KIAA1217: variants seen among roughly 807,000 people sequenced by gnomAD.
The protein encoded by KIAA1217 is sickle tail protein homolog.
KIAA1217 carries 88 observed loss-of-function variants against 163.9 expected under a neutral mutation model. That is an observed-to-expected ratio of 0.54 (90% CI 0.45 to 0.64). The LOEUF (loss-of-function observed/expected upper bound fraction) is 0.64, where lower values mean the gene tolerates loss of function less well. KIAA1217 is among the 30% of genes least tolerant of loss of function. KIAA1217 has a pLI of 0.00. For synonymous variants in KIAA1217, 903 were observed against 923.1 expected, an observed-to-expected ratio of 0.98 and a Z score of 0.39; for missense variants, 2,372 against 2,475.0, an observed-to-expected ratio of 0.96 and a Z score of 0.88.
chr10:24,030,263 C>A (rs1848137197), intron 2 of KIAA1217, among the ~76,000 whole-genome samples: 1 of 152,102 alleles, frequency 6.6e-6, no homozygotes. Flanking sequence ...AATCTCATCT[C>A]AAATTTTAAT....
At chr10:24,367,321 C>A (rs2050923751) in intron 2 of KIAA1217, 1 of 182,234 alleles carries the variant, frequency 5.5e-6, no homozygotes, top group East Asian at 1.9e-4. Context: ...TCGCTGTTTA[C>A]CCCAATCCCT....
intron 1 of KIAA1217, among the ~76,000 whole-genome samples, chr10:24,003,375 C>T (rs1846840722): frequency 6.6e-6 from 1 of 152,064 alleles, no homozygotes; most frequent in Non-Finnish European, 1.5e-5. Flanking sequence ...AAGGTGGTAT[C>T]TCATTGTGGT....
chr10:24,465,332 G>A (rs1326221298), intron 5 of KIAA1217, among the ~76,000 whole-genome samples: 4 of 152,132 alleles, frequency 2.6e-5, no homozygotes, highest in African/African-American at 4.8e-5. Flanking sequence ...TGCTCCATTT[G>A]CCCCCTTCTT....
intron 3 of KIAA1217, among the ~76,000 whole-genome samples, chr10:24,382,844 CTTTTT>C (rs1161576107): frequency 2.3e-5 from 1 of 44,380 alleles, no homozygotes; most frequent in Admixed American, 2.0e-4. Context: ...TTTTTCTTTT[CTTTTT>C]TTTTTTTTTT....
chr10:24,059,625 T>C (rs529309892), intron 2 of KIAA1217, among the ~76,000 whole-genome samples: 1 of 152,274 alleles, frequency 6.6e-6, no homozygotes, highest in East Asian at 1.9e-4. Context: ...TCACCCAGGC[T>C]GAAGTGCAGT....
At position 24,547,543 on chromosome 10, in the gene KIAA1217, G is replaced by A. The variant is rs1239252395; in HGVS notation, c.*1219G>A. The A allele has an allele frequency of 6.6e-6, 1 of 152,182 alleles. No individual in the cohort carries two copies. The highest frequency in any genetic ancestry group is 1.9e-4 in the East Asian group (1 of 5,198). 9.4% of individuals were successfully genotyped at this position (152,182 alleles called of 1,614,324 possible). A position where few individuals can be genotyped will look rare whatever the true frequency, so the allele number is the denominator to read the frequency against. On this transcript the variant is annotated 3_prime_UTR_variant, in exon 21 of 21. Coordinates refer to ENST00000376454, the MANE Select transcript of KIAA1217 (RefSeq NM_019590.5). ...CCTAGTCAAAGAACGAAATGTAACT[G>A]TTACCGAGTTAAATGTTTTTCCGCT... is the stretch of plus-strand genomic sequence containing the variant.
chr10:24,483,425 A>C (rs1196204730), intron 6 of KIAA1217, among the ~76,000 whole-genome samples: 1 of 152,184 alleles, frequency 6.6e-6, no homozygotes, highest in Non-Finnish European at 1.5e-5. Flanking sequence ...GAGACCTTTC[A>C]TGTCGAGCCT....
intron 1 of KIAA1217, among the ~76,000 whole-genome samples, chr10:23,981,069 A>G (rs1845748874): frequency 6.6e-6 from 1 of 152,236 alleles, no homozygotes. Context: ...TTTGCACCAA[A>G]GCAGAGATAA....
intron 2 of KIAA1217, among the ~76,000 whole-genome samples, chr10:24,237,802 A>C (rs967514058): frequency 9.9e-5 from 15 of 152,202 alleles, no homozygotes; most frequent in Admixed American, 5.2e-4. Flanking sequence ...AATCTCTGAC[A>C]ATAGTCTTGC....
chr10:24,493,474 G>T (rs796285821), intron 6 of KIAA1217, among the ~76,000 whole-genome samples: 12 of 152,290 alleles, frequency 7.9e-5, no homozygotes, highest in African/African-American at 2.6e-4. Context: ...TACTCGTATT[G>T]TTGTTTTTAA....
intron 1 of KIAA1217, among the ~76,000 whole-genome samples, chr10:23,713,325 A>G (rs867214869): frequency 1.3e-5 from 2 of 152,118 alleles, no homozygotes; most frequent in Non-Finnish European, 2.9e-5. Flanking sequence ...CAATATCAAG[A>G]GCTATTGCTT....
chr10:24,144,908 C>T (rs2064239594), intron 2 of KIAA1217, among the ~76,000 whole-genome samples: 1 of 152,222 alleles, frequency 6.6e-6, no homozygotes, highest in Non-Finnish European at 1.5e-5. Context: ...GTATATCCTG[C>T]TTCTCTGTCC....
chr10:24,403,514 C>T (rs2056824111), intron 3 of KIAA1217, among the ~76,000 whole-genome samples: 1 of 152,104 alleles, frequency 6.6e-6, no homozygotes, highest in Admixed American at 6.6e-5. Context: ...GCTGGGATTA[C>T]AGGCATGAGC....
At chr10:23,933,176 C>T (rs1209779102) in intron 1 of KIAA1217, among the ~76,000 whole-genome samples, 2 of 152,202 alleles carry the variant, frequency 1.3e-5, no homozygotes, top group African/African-American at 4.8e-5. Flanking sequence ...GCTTGCATCC[C>T]AGCTTTACGT....
At chr10:24,180,394 C>A (rs1000547807) in intron 2 of KIAA1217, among the ~76,000 whole-genome samples, 8 of 149,914 alleles carry the variant, frequency 5.3e-5, no homozygotes, top group African/African-American at 1.7e-4. Context: ...TCAAGCAATT[C>A]TCCTGCCTCA....
chr10:24,487,846 A>G (rs1035449414), intron 6 of KIAA1217, among the ~76,000 whole-genome samples: 1 of 152,216 alleles, frequency 6.6e-6, no homozygotes, highest in African/African-American at 2.4e-5. Context: ...AAGGGGCACA[A>G]GGGGCCTTTT....
chr10:23,869,494 G>T (rs765176624), intron 1 of KIAA1217, among the ~76,000 whole-genome samples: 39 of 152,056 alleles, frequency 2.6e-4, no homozygotes, highest in Non-Finnish European at 4.7e-4. Flanking sequence ...CAAGTGGAAA[G>T]ATCAGACCAG....
intron 13 of KIAA1217, 137 bp from the exon 14 acceptor site, chr10:24,527,799 G>A (rs1042529477): frequency 3.4e-6 from 2 of 595,316 alleles, no homozygotes; most frequent in African/African-American, 3.7e-5. Flanking sequence ...CATCACCCAG[G>A]TCTTAAGCCC....
chr10:24,466,715 G>A (rs918935490), intron 5 of KIAA1217: 36 of 985,294 alleles, frequency 3.7e-5, no homozygotes, highest in Non-Finnish European at 3.7e-5. Context: ...AGCAAACAAA[G>A]GAATCATGTA....
Sources: allele counts gnomAD v4.1 joint callset (sites outside exome capture counted in the v4.1 genomes callset), GRCh38; gene constraint gnomAD v4.1.1; transcripts MANE v1.5; gene names NCBI Gene and HGNC (gene_info 2026-07-23, HGNC 2026-07-21).